PKIB: variants seen among roughly 807,000 people sequenced by gnomAD.
PKIB encodes the protein PKI-beta.
PKIB carries 2 observed loss-of-function variants against 4.5 expected under a neutral mutation model. The observed-to-expected ratio is 0.44, with a 90% CI of 0.18 to 1.39. The LOEUF (loss-of-function observed/expected upper bound fraction) is 1.39. PKIB is among the 40% of genes most tolerant of loss of function. The pLI is 0.27. For synonymous variants in PKIB, 38 were observed against 36.0 expected, an observed-to-expected ratio of 1.06 and a Z score of -0.20; for missense variants, 94 against 92.6, an observed-to-expected ratio of 1.02 and a Z score of -0.06.
At chr6:122,620,981 A>T (rs1318753786) in intron 1 of PKIB, among the ~76,000 whole-genome samples, 1 of 151,926 alleles carries the variant, frequency 6.6e-6, no homozygotes, top group East Asian at 1.9e-4. Context: ...TTACCTGACC[A>T]TGTCGTTCCC....
intron 2 of PKIB, among the ~76,000 whole-genome samples, chr6:122,516,936 C>T (rs773882131): frequency 3.3e-5 from 5 of 152,136 alleles, no homozygotes; most frequent in Admixed American, 1.3e-4. Context: ...GTACCCAATT[C>T]TAATTCTGTG....
chr6:122,665,090 A>C (rs1444060616), intron 2 of PKIB, among the ~76,000 whole-genome samples: 1 of 152,112 alleles, frequency 6.6e-6, no homozygotes, highest in Admixed American at 6.5e-5. Flanking sequence ...GAATTAGTAA[A>C]ATTAAGCTTG....
chr6:122,632,864 G>A (rs1486618725), intron 1 of PKIB, among the ~76,000 whole-genome samples: 1 of 144,966 alleles, frequency 6.9e-6, no homozygotes, highest in Non-Finnish European at 1.6e-5. Context: ...ATTTTCAATG[G>A]AAATTTGAAA....
intron 2 of PKIB, among the ~76,000 whole-genome samples, chr6:122,557,454 C>T (rs1023560179): frequency 2.0e-5 from 3 of 152,070 alleles, no homozygotes; most frequent in African/African-American, 4.8e-5. Context: ...AGCTGAGAAC[C>T]GTATTTCCCA....
intron 2 of PKIB, among the ~76,000 whole-genome samples, chr6:122,658,112 A>G (rs1776845303): frequency 6.6e-6 from 1 of 152,182 alleles, no homozygotes; most frequent in African/African-American, 2.4e-5. Context: ...AATTTAAAAT[A>G]TTATGTACTT....
chr6:122,699,527 G>A (rs1438273475), intron 3 of PKIB, among the ~76,000 whole-genome samples: 1 of 152,102 alleles, frequency 6.6e-6, no homozygotes, highest in Admixed American at 6.6e-5. Flanking sequence ...ATTTGTTCCA[G>A]GTTTAAGGAC....
At chr6:122,603,430 A>G (rs752782896) in intron 3 of PKIB, among the ~76,000 whole-genome samples, 19 of 152,238 alleles carry the variant, frequency 1.2e-4, no homozygotes, top group Non-Finnish European at 2.6e-4. Flanking sequence ...GTATCCGTGC[A>G]CAGAAGAAAT....
intron 4 of PKIB, among the ~76,000 whole-genome samples, chr6:122,721,512 A>AT (rs1266758359): frequency 6.6e-6 from 1 of 152,012 alleles, no homozygotes; most frequent in Non-Finnish European, 1.5e-5. Flanking sequence ...AACATACAAC[A>AT]TTTTTTTCTC....
At chr6:122,494,395 A>C (rs1265734439) in intron 2 of PKIB, among the ~76,000 whole-genome samples, 1 of 152,238 alleles carries the variant, frequency 6.6e-6, no homozygotes, top group Admixed American at 6.5e-5. Flanking sequence ...GCAGGTGTTC[A>C]GAAGTATGTA....
Position 122,541,480 on chromosome 6 carries a change from T to C in PKIB, c.-247-44441T>C, listed in dbSNP as rs1188193518. Among the ~76,000 whole-genome samples the C allele has an allele frequency of 2.6e-5, 4 of 152,048 alleles. No individual in the cohort carries two copies. The East Asian group carries it at 5.8e-4, about 22-fold the overall frequency. ...TGGATATGAAATTCTGGGTTGAAAA[T>C]TCTGTTCTTTAAGAATGTTGAATAT... On this transcript the variant is annotated intron_variant, in intron 2 of 6. Transcript: ENST00000392491.
intron 2 of PKIB, chr6:122,644,046 G>GC (rs777171579): frequency 3.9e-5 from 6 of 151,996 alleles, no homozygotes; most frequent in Non-Finnish European, 8.8e-5. Flanking sequence ...TGGTTATATT[G>GC]TTTTTTCATA....
chr6:122,506,249 T>A lies in PKIB; in HGVS notation c.-248+28310T>A, dbSNP rs559374769. Among the ~76,000 whole-genome samples, 81 of 152,276 alleles carry A rather than the reference T, an allele frequency of 5.3e-4. 1 individual carries two copies. The highest frequency in any genetic ancestry group is 1.9e-3 in the African/African-American group (81 of 41,574). ...ACAGTTTTGACAAGTAATAGTTTGATAATTAGGTCGAATATTAATATTTTC... is the reference window on the plus strand; with the variant it reads ...ACAGTTTTGACAAGTAATAGTTTGAAAATTAGGTCGAATATTAATATTTTC... On this transcript the variant is annotated intron_variant, in intron 2 of 6. Coordinates refer to the PKIB transcript ENST00000392491.
chr6:122,553,981 T>A (rs1017577045), intron 2 of PKIB, among the ~76,000 whole-genome samples: 1 of 152,196 alleles, frequency 6.6e-6, no homozygotes, highest in Admixed American at 6.5e-5. Flanking sequence ...AGGGAAAAAT[T>A]AATCATCAGT....
At chr6:122,671,069 G>C (rs553891584) in intron 2 of PKIB, among the ~76,000 whole-genome samples, 1 of 152,028 alleles carries the variant, frequency 6.6e-6, no homozygotes, top group Non-Finnish European at 1.5e-5. Context: ...CGAGGTGGGC[G>C]GATCACGAGG....
chr6:122,709,377 T>C (rs1453586338), intron 3 of PKIB, among the ~76,000 whole-genome samples: 1 of 152,188 alleles, frequency 6.6e-6, no homozygotes, highest in Non-Finnish European at 1.5e-5. Context: ...TTTCAAATCA[T>C]CATTTAAAAT....
intron 3 of PKIB, among the ~76,000 whole-genome samples, chr6:122,700,227 T>G (rs1778749635): frequency 6.6e-6 from 1 of 150,818 alleles, no homozygotes; most frequent in Admixed American, 6.7e-5. Flanking sequence ...TTTTTTTCTT[T>G]GCTTTTTAAA....
chr6:122,500,573 T>C (rs953482397), intron 2 of PKIB, among the ~76,000 whole-genome samples: 4 of 152,224 alleles, frequency 2.6e-5, no homozygotes, highest in African/African-American at 9.7e-5. Context: ...TTCTGACTGC[T>C]CCAGAGGATT....
At chr6:122,704,728 C>CTGTG (rs113825379) in intron 3 of PKIB, among the ~76,000 whole-genome samples, 31,990 of 149,168 alleles carry the variant, frequency 0.21, 3,725 homozygotes, top group Non-Finnish European at 0.26. Flanking sequence ...GAAATAATAA[C>CTGTG]TGTGTGTGTG....
intron 2 of PKIB, among the ~76,000 whole-genome samples, chr6:122,645,590 T>C (rs969011389): frequency 5.9e-5 from 9 of 152,104 alleles, no homozygotes; most frequent in Admixed American, 1.3e-4. Context: ...TGTTCACAGA[T>C]TGTGGGTCCC....
Sources: gnomAD v4.1 joint callset for allele counts (sites outside exome capture counted in the v4.1 genomes callset) on GRCh38, gnomAD v4.1.1 for gene constraint, MANE v1.5 for transcripts, NCBI Gene and HGNC (gene_info 2026-07-23, HGNC 2026-07-21) for gene names.